FMN2: variants seen among roughly 807,000 people sequenced by gnomAD.
The protein encoded by FMN2 is formin-2.
A neutral mutation model predicts 142.3 loss-of-function variants in FMN2; 51 were observed. That is an observed-to-expected ratio of 0.36 (90% CI 0.29 to 0.45). The LOEUF (loss-of-function observed/expected upper bound fraction) is 0.45. Among genes scored for constraint, FMN2 ranks in the 20% least tolerant of loss-of-function variants. The pLI, the probability that FMN2 is intolerant of heterozygous loss-of-function variation, is 1.00. For synonymous variants in FMN2, 882 were observed against 869.8 expected, an observed-to-expected ratio of 1.01 and a Z score of -0.25; for missense variants, 1,936 against 2,122.8, an observed-to-expected ratio of 0.91 and a Z score of 1.73.
intron 7 of FMN2, among the ~76,000 whole-genome samples, chr1:240,293,293 G>A (rs1369896361): frequency 6.6e-6 from 1 of 151,936 alleles, no homozygotes; most frequent in African/African-American, 2.4e-5. Flanking sequence ...CCTTGTTCTG[G>A]GGATGAAATC....
chr1:240,384,500 G>T (rs923803585), intron 14 of FMN2, among the ~76,000 whole-genome samples: 1 of 151,892 alleles, frequency 6.6e-6, no homozygotes, highest in Non-Finnish European at 1.5e-5. Flanking sequence ...GAACTATGGT[G>T]CACCTTTGCT....
intron 2 of FMN2, among the ~76,000 whole-genome samples, chr1:240,150,853 A>G (rs897261070): frequency 6.6e-6 from 1 of 152,218 alleles, no homozygotes; most frequent in African/African-American, 2.4e-5. Flanking sequence ...TGTGTCTATT[A>G]TGCAGAAGTC....
At position 240,472,467 on chromosome 1, in the gene FMN2, A is replaced by ATT; in HGVS notation, c.5142+18_5142+19dup. ...GACTCTGGAATTGTAAGTATTACTG[A>ATT]TTTTTAACTTGTTATTTTCTTTGGC... On this transcript the variant is annotated intron_variant, in intron 17 of 17. Coordinates refer to ENST00000319653, the MANE Select transcript of FMN2 (RefSeq NM_020066.5). 6.5e-7 allele frequency: 1 copy of ATT among 1,529,842 alleles called. No individual in the cohort carries two copies. The highest frequency in any genetic ancestry group is 2.3e-5 in the East Asian group (1 of 44,018). 94.8% of individuals were successfully genotyped at this position (1,529,842 alleles called of 1,614,324 possible).
chr1:240,105,087 C>T (rs1276973112), intron 1 of FMN2, among the ~76,000 whole-genome samples: 1 of 146,370 alleles, frequency 6.8e-6, no homozygotes, highest in African/African-American at 2.5e-5. Context: ...GAATGCTTTC[C>T]TAGTTTATGC....
intron 3 of FMN2, among the ~76,000 whole-genome samples, chr1:240,179,863 C>G (rs750159560): frequency 6.6e-6 from 1 of 152,026 alleles, no homozygotes; most frequent in Non-Finnish European, 1.5e-5. Context: ...TTTTCTGTTC[C>G]CTACTGTATC....
intron 1 of FMN2, among the ~76,000 whole-genome samples, chr1:240,102,925 C>T (rs1043373936): frequency 1.3e-5 from 2 of 150,096 alleles, no homozygotes; most frequent in African/African-American, 4.9e-5. Context: ...AATACAGTGG[C>T]GCCATCTTGG....
At chr1:240,337,042 C>T (rs1488476062) in intron 13 of FMN2, among the ~76,000 whole-genome samples, 1 of 152,000 alleles carries the variant, frequency 6.6e-6, no homozygotes, top group Non-Finnish European at 1.5e-5. Context: ...AAATCTGCCT[C>T]ATGTCCTTTT....
chr1:240,463,072 A>G lies in FMN2; in HGVS notation c.5061-9300A>G, dbSNP rs539421036. 6.6e-5 allele frequency among the ~76,000 whole-genome samples: 10 copies of G among 152,310 alleles called. No individual in the cohort carries two copies. In the East Asian group the frequency reaches 1.7e-3, roughly 26 times the overall value. On this transcript the variant is annotated intron_variant, in intron 16 of 17. Coordinates refer to ENST00000319653, the MANE Select transcript of FMN2 (RefSeq NM_020066.5). ...TAGGTGAGTTGGAGCCAGTCTGCAA[A>G]TGGCCTCGCAGACCTCGCTAAGGAA...
At position 240,170,167 on chromosome 1, in the gene FMN2, G is replaced by T. The variant is rs1664644624; in HGVS notation, c.1783-7754G>T. 3 of 939,232 alleles carry T rather than the reference G, an allele frequency of 3.2e-6. No homozygotes were observed. The South Asian group carries it at 4.3e-5, about 14-fold the overall frequency. 58.2% of individuals were successfully genotyped at this position (939,232 alleles called of 1,614,324 possible). ...TCCCTGGCGCCGACCAGAACCCGTG[G>T]ACATGGTGAACCAGGTTATCAAGTG... is the stretch of plus-strand genomic sequence containing the variant. On this transcript the variant is annotated intron_variant, in intron 2 of 17. Coordinates refer to ENST00000319653, the MANE Select transcript of FMN2 (RefSeq NM_020066.5).
At chr1:240,439,781 T>C (rs576094140) in intron 16 of FMN2, among the ~76,000 whole-genome samples, 1 of 151,924 alleles carries the variant, frequency 6.6e-6, no homozygotes, top group Non-Finnish European at 1.5e-5. Context: ...TTAAGTGATA[T>C]TTACCAAAAA....
chr1:240,294,369 G>A lies in FMN2; in HGVS notation c.4154-453G>A, dbSNP rs533078644. ...ATTTTGAGGAATTATAATAGGAAAT[G>A]CCCCCATCATTTTTATACTAAGTCC... On this transcript the variant is annotated intron_variant, in intron 7 of 17. Coordinates refer to ENST00000319653, the MANE Select transcript of FMN2 (RefSeq NM_020066.5). 1.2e-4 allele frequency among the ~76,000 whole-genome samples: 19 copies of A among 152,258 alleles called. No individual in the cohort carries two copies. In the South Asian group the frequency reaches 3.5e-3, roughly 28 times the overall value.
intron 13 of FMN2, among the ~76,000 whole-genome samples, chr1:240,347,575 C>T (rs894253831): frequency 6.6e-6 from 1 of 152,044 alleles, no homozygotes; most frequent in Non-Finnish European, 1.5e-5. Flanking sequence ...ATTTTAGAAT[C>T]GGGGGTACAT....
intron 4 of FMN2, among the ~76,000 whole-genome samples, chr1:240,189,697 G>A (rs1394643396): frequency 2.6e-5 from 4 of 152,162 alleles, no homozygotes; most frequent in African/African-American, 9.7e-5. Flanking sequence ...GGGAGCAGAG[G>A]GCTACATCAA....
intron 8 of FMN2, among the ~76,000 whole-genome samples, chr1:240,324,806 T>C (rs1572194286): frequency 6.6e-6 from 1 of 151,600 alleles, no homozygotes; most frequent in Admixed American, 6.6e-5. Context: ...AAAAAAAAAT[T>C]GAAAACAAAA....
At chr1:240,136,892 G>A (rs1328329054) in intron 2 of FMN2, among the ~76,000 whole-genome samples, 2 of 151,980 alleles carry the variant, frequency 1.3e-5, no homozygotes, top group African/African-American at 2.4e-5. Flanking sequence ...CCCACATGGT[G>A]AAACCCTGTC....
At chr1:240,305,607 T>C (rs1003713579) in intron 8 of FMN2, among the ~76,000 whole-genome samples, 3 of 152,220 alleles carry the variant, frequency 2.0e-5, no homozygotes, top group African/African-American at 7.2e-5. Context: ...ATTATTAATC[T>C]AGTGAAAACA....
At chr1:240,196,155 C>T (rs16839625) in intron 4 of FMN2, among the ~76,000 whole-genome samples, 3,767 of 152,142 alleles carry the variant, frequency 0.025, 166 homozygotes, top group African/African-American at 0.086. Flanking sequence ...GCTCAGTAGT[C>T]GGGAGCCATG....
At chr1:240,234,707 G>T (rs1667641686) in intron 6 of FMN2, among the ~76,000 whole-genome samples, 1 of 152,150 alleles carries the variant, frequency 6.6e-6, no homozygotes, top group Admixed American at 6.5e-5. Flanking sequence ...AGAAAACCAT[G>T]TTGAATCACG....
At chr1:240,457,411 C>T (rs185447578) in intron 16 of FMN2, 3 of 152,228 alleles carry the variant, frequency 2.0e-5, no homozygotes, top group Non-Finnish European at 4.4e-5. Flanking sequence ...TGTCCGCATA[C>T]TTCCCTGAGG....
Sources: allele counts gnomAD v4.1 joint callset (sites outside exome capture counted in the v4.1 genomes callset), GRCh38; gene constraint gnomAD v4.1.1; transcripts MANE v1.5; gene names NCBI Gene and HGNC (gene_info 2026-07-23, HGNC 2026-07-21).